The following HAO1 variants were observed in gnomAD, a reference collection of about 807,000 sequenced individuals.
HAO1 encodes the protein hydroxyacid oxidase 1.
HAO1 carries 34 observed loss-of-function variants against 39.7 expected under a neutral mutation model. The ratio of observed to expected loss-of-function variants is 0.86; its 90% CI spans 0.65 to 1.14. The LOEUF (loss-of-function observed/expected upper bound fraction) is 1.14, where lower values mean the gene tolerates loss of function less well. HAO1 is among the 50% of genes most tolerant of loss of function. The probability of loss-of-function intolerance (pLI) is 0.00; values close to 1 mark genes in which losing one functional copy is unlikely to be tolerated. For missense variants in HAO1, 479 were observed against 464.5 expected, an observed-to-expected ratio of 1.03 and a Z score of -0.29; for synonymous variants, 172 against 173.2, an observed-to-expected ratio of 0.99 and a Z score of 0.05.
At chr20:7,886,257 T>A (rs530521392) in intron 5 of HAO1, among the ~76,000 whole-genome samples, 1 of 152,144 alleles carries the variant, frequency 6.6e-6, no homozygotes, top group African/African-American at 2.4e-5. Context: ...CACTGCAACC[T>A]CCATCTCCAG....
At chr20:7,894,390 C>T (rs2050187546) in intron 5 of HAO1, among the ~76,000 whole-genome samples, 1 of 152,140 alleles carries the variant, frequency 6.6e-6, no homozygotes, top group African/African-American at 2.4e-5. Flanking sequence ...GATTTGCCTA[C>T]TCCAGTGCAT....
chr20:7,926,575 G>A (rs1323900069), intron 2 of HAO1, among the ~76,000 whole-genome samples: 2 of 152,104 alleles, frequency 1.3e-5, no homozygotes, highest in Admixed American at 1.3e-4. Flanking sequence ...TCATTGTTAA[G>A]GTTGATCACT....
At chr20:7,886,889 G>A (rs145603416) in intron 5 of HAO1, among the ~76,000 whole-genome samples, 173 of 152,194 alleles carry the variant, frequency 1.1e-3, no homozygotes, top group African/African-American at 4.1e-3. Flanking sequence ...CTTGTCATTT[G>A]CCATGAGAAG....
chr20:7,936,574 CA>C (rs2050413433), intron 1 of HAO1, among the ~76,000 whole-genome samples: 1 of 118,994 alleles, frequency 8.4e-6, no homozygotes, highest in South Asian at 2.5e-4. Flanking sequence ...GCGTGCGTGC[CA>C]AAAGGGACAT....
At position 7,885,788 on chromosome 20, in the gene HAO1, C is replaced by G; in HGVS notation, c.890G>C (p.Gly297Ala). 1 of 1,613,372 alleles carries G rather than the reference C, an allele frequency of 6.2e-7. No individual in the cohort carries two copies. The highest frequency in any genetic ancestry group is 8.5e-7 in the Non-Finnish European group (1 of 1,179,338). ...EVFLDGGVRK[G>A]TDVLKALALG... ...AGCCAGAGCTTTCAGAACATCAGTGCCTTTCCGCACACCCCCGTCCAGGAA... is the reference window on the plus strand; with the variant it reads ...AGCCAGAGCTTTCAGAACATCAGTGGCTTTCCGCACACCCCCGTCCAGGAA... Residue 297 changes from glycine (G) to alanine (A), a missense_variant, in exon 6 of 8, where the codon GGC becomes GCC. Coordinates refer to ENST00000378789, the MANE Select transcript of HAO1 (RefSeq NM_017545.3).
In HAO1 at chr20:7,895,235, T is replaced by A; in HGVS notation, c.722-11A>T. The A allele has an allele frequency of 1.3e-6, 2 of 1,558,788 alleles. No individual in the cohort carries two copies. The highest frequency in any genetic ancestry group is 1.8e-6 in the Non-Finnish European group (2 of 1,129,760). On this transcript the variant is annotated splice_polypyrimidine_tract_variant and intron_variant, in intron 4 of 7. Coordinates refer to ENST00000378789, the MANE Select transcript of HAO1 (RefSeq NM_017545.3). The stretch of plus-strand genomic sequence containing the variant: ...CCCTGGCATCATCACCTGGAGAGAG[T>A]AAAACAAGCACCTTAGGGAAACTGT...
At chr20:7,892,973 G>T (rs1031023861) in intron 5 of HAO1, among the ~76,000 whole-genome samples, 2 of 152,098 alleles carry the variant, frequency 1.3e-5, no homozygotes, top group African/African-American at 4.8e-5. Context: ...CTGCAGTTCA[G>T]GCCCTCCTTC....
intron 5 of HAO1, among the ~76,000 whole-genome samples, chr20:7,894,471 C>T (rs1056208849): frequency 3.9e-5 from 6 of 152,122 alleles, no homozygotes; most frequent in African/African-American, 1.4e-4. Context: ...CACCCCTAAG[C>T]CCCAACCAGA....
intron 3 of HAO1, among the ~76,000 whole-genome samples, chr20:7,911,312 T>G (rs535753700): frequency 6.6e-6 from 1 of 152,310 alleles, no homozygotes; most frequent in African/African-American, 2.4e-5. Context: ...AGAAAACATG[T>G]CACTGGCAAA....
chr20:7,928,352 A>G lies in HAO1; in HGVS notation c.289+6132T>C, dbSNP rs140723175. ...AAGAAAAGGTAGCTCTATACTTTGA[A>G]TTGTTTCTTTTTGCATTTGATAAAA... On this transcript the variant is annotated intron_variant, in intron 2 of 7. Coordinates refer to ENST00000378789, the MANE Select transcript of HAO1 (RefSeq NM_017545.3). 3.9e-5 allele frequency among the ~76,000 whole-genome samples: 6 copies of G among 152,266 alleles called. No individual in the cohort carries two copies. In the East Asian group the frequency reaches 1.2e-3, roughly 29 times the overall value.
chr20:7,931,749 C>T (rs931102234), intron 2 of HAO1, among the ~76,000 whole-genome samples: 26 of 152,082 alleles, frequency 1.7e-4, no homozygotes, highest in African/African-American at 4.3e-4. Context: ...AGGAAGCTTT[C>T]TTTTCTTCTT....
At chr20:7,906,695 T>A (rs116226839) in intron 3 of HAO1, among the ~76,000 whole-genome samples, 5,063 of 152,312 alleles carry the variant, frequency 0.033, 239 homozygotes, top group African/African-American at 0.1. Context: ...AATCACAATT[T>A]AAAAAGCATT....
At chr20:7,937,351 AT>A (rs2122804290) in intron 1 of HAO1, among the ~76,000 whole-genome samples, 1 of 152,090 alleles carries the variant, frequency 6.6e-6, no homozygotes, top group Non-Finnish European at 1.5e-5. Flanking sequence ...CTCCACATTA[AT>A]TTTTTACTCT....
At chr20:7,937,620 G>A (rs544416250) in intron 1 of HAO1, among the ~76,000 whole-genome samples, 21 of 152,100 alleles carry the variant, frequency 1.4e-4, no homozygotes, top group Non-Finnish European at 2.5e-4. Flanking sequence ...TCTAAGTGTC[G>A]AAATTGTTTA....
chr20:7,898,693 G>T (rs1435462445), intron 4 of HAO1, among the ~76,000 whole-genome samples: 1 of 152,272 alleles, frequency 6.6e-6, no homozygotes, highest in East Asian at 1.9e-4. Flanking sequence ...CTGATATGTG[G>T]CAGTGTGACT....
chr20:7,904,181 T>C (rs563351424), intron 4 of HAO1, among the ~76,000 whole-genome samples: 10 of 152,300 alleles, frequency 6.6e-5, no homozygotes, highest in African/African-American at 2.4e-4. Context: ...GTCTCTGTGA[T>C]TAACTGTCTT....
intron 4 of HAO1, among the ~76,000 whole-genome samples, chr20:7,903,416 A>G (rs2050230063): frequency 6.6e-6 from 1 of 152,128 alleles, no homozygotes; most frequent in Admixed American, 6.5e-5. Flanking sequence ...GAAACAAACC[A>G]GAAATCCATA....
chr20:7,933,290 T>C (rs892257864), intron 2 of HAO1, among the ~76,000 whole-genome samples: 4 of 152,190 alleles, frequency 2.6e-5, no homozygotes, highest in Non-Finnish European at 4.4e-5. Context: ...CATTTACTTT[T>C]TATTTTCATT....
chr20:7,893,148 G>A (rs1047361583), intron 5 of HAO1, among the ~76,000 whole-genome samples: 5 of 152,074 alleles, frequency 3.3e-5, no homozygotes, highest in Non-Finnish European at 7.4e-5. Context: ...TATCTATCCA[G>A]GCAGATGCAT....
Sources: allele counts gnomAD v4.1 joint callset (sites outside exome capture counted in the v4.1 genomes callset), GRCh38; gene constraint gnomAD v4.1.1; transcripts MANE v1.5; gene names NCBI Gene and HGNC (gene_info 2026-07-23, HGNC 2026-07-21).